NIBAN1: variants seen among roughly 807,000 people sequenced by gnomAD.
The protein encoded by NIBAN1 is protein Niban 1.
Under a neutral mutation model 75.1 loss-of-function variants are expected in NIBAN1, and 81 were observed. The ratio of observed to expected loss-of-function variants is 1.08; its 90% CI spans 0.90 to 1.30. NIBAN1 has a LOEUF of 1.30. Ranked by LOEUF, NIBAN1 falls within the 50% of genes most tolerant of loss-of-function variation. NIBAN1 has a pLI of 0.00. For missense variants in NIBAN1, 1,133 were observed against 1,128.1 expected, an observed-to-expected ratio of 1.00 and a Z score of -0.06; for synonymous variants, 436 against 424.8, an observed-to-expected ratio of 1.03 and a Z score of -0.32.
chr1:184,890,881 T>A (rs1162291392), intron 3 of NIBAN1, among the ~76,000 whole-genome samples: 1 of 152,160 alleles, frequency 6.6e-6, no homozygotes, highest in African/African-American at 2.4e-5. Flanking sequence ...CCAAAGCAGT[T>A]TGGTAAGCAC....
At chr1:184,960,727 C>A (rs1658613413) in intron 1 of NIBAN1, among the ~76,000 whole-genome samples, 1 of 152,110 alleles carries the variant, frequency 6.6e-6, no homozygotes, top group African/African-American at 2.4e-5. Context: ...ACTGCAGGTT[C>A]AAGTGATTCT....
At chr1:184,829,401 C>T (rs1402500838) in intron 6 of NIBAN1, among the ~76,000 whole-genome samples, 3 of 151,656 alleles carry the variant, frequency 2.0e-5, no homozygotes, top group African/African-American at 7.3e-5. Flanking sequence ...AGCACATAAT[C>T]AGCCTGAAGC....
At chr1:184,857,127 C>T (rs1182607996) in intron 5 of NIBAN1, among the ~76,000 whole-genome samples, 1 of 152,220 alleles carries the variant, frequency 6.6e-6, no homozygotes, top group Non-Finnish European at 1.5e-5. Context: ...AGACATAAAA[C>T]TATGTGGTTA....
intron 5 of NIBAN1, among the ~76,000 whole-genome samples, chr1:184,842,701 CGA>C (rs71640116): frequency 0.48 from 71,982 of 150,108 alleles, 17,318 homozygotes; most frequent in Middle Eastern, 0.53. Flanking sequence ...TGCAGTGAGC[CGA>C]GATTGTGCCT....
chr1:184,791,632 G>T lies in NIBAN1; in HGVS notation c.*3345C>A, dbSNP rs1490319858. The T allele has an allele frequency of 6.6e-6, 1 of 151,988 alleles. No homozygotes were observed. The highest frequency in any genetic ancestry group is 1.9e-4 in the East Asian group (1 of 5,186). 9.4% of individuals were successfully genotyped at this position (151,988 alleles called of 1,614,324 possible). A position where few individuals can be genotyped will look rare whatever the true frequency, so the allele number is the denominator to read the frequency against. On this transcript the variant is annotated 3_prime_UTR_variant, in exon 14 of 14. Coordinates refer to ENST00000367511, the MANE Select transcript of NIBAN1 (RefSeq NM_052966.4). ...TCTCTGTGAAAGGTCAGTAGTAAAAGAGCTAGTTTAAAGTCATGGAGTTTT... is the reference window on the plus strand; with the variant it reads ...TCTCTGTGAAAGGTCAGTAGTAAAATAGCTAGTTTAAAGTCATGGAGTTTT...
chr1:184,955,791 T>G (rs1033394701), intron 1 of NIBAN1, among the ~76,000 whole-genome samples: 3 of 152,176 alleles, frequency 2.0e-5, no homozygotes, highest in Admixed American at 2.0e-4. Flanking sequence ...GATAGGACTT[T>G]TGACAGGAAT....
intron 1 of NIBAN1, among the ~76,000 whole-genome samples, chr1:184,940,306 T>C (rs532112394): frequency 1.3e-3 from 192 of 152,308 alleles, no homozygotes; most frequent in African/African-American, 4.4e-3. Flanking sequence ...CCACTTCCAC[T>C]GCAAAACATC....
intron 5 of NIBAN1, among the ~76,000 whole-genome samples, chr1:184,854,642 C>T (rs1655628050): frequency 6.6e-6 from 1 of 152,172 alleles, no homozygotes; most frequent in African/African-American, 2.4e-5. Flanking sequence ...AAACTGCTAA[C>T]CAGCAACAGA....
At chr1:184,840,465 C>G (rs569243) in intron 5 of NIBAN1, among the ~76,000 whole-genome samples, 1 of 151,836 alleles carries the variant, frequency 6.6e-6, no homozygotes, top group Admixed American at 6.6e-5. Context: ...TAAGAACTCA[C>G]CCTGAGAATA....
chr1:184,819,917 T>C (rs1441460866), intron 8 of NIBAN1, among the ~76,000 whole-genome samples: 1 of 152,242 alleles, frequency 6.6e-6, no homozygotes, highest in Non-Finnish European at 1.5e-5. Flanking sequence ...AATGGCCTCG[T>C]TCTTATTTCA....
intron 5 of NIBAN1, among the ~76,000 whole-genome samples, chr1:184,867,191 CACAA>C (rs1470546384): frequency 6.6e-6 from 1 of 151,950 alleles, no homozygotes; most frequent in Admixed American, 6.6e-5. Context: ...CACCCCTACA[CACAA>C]ACACACACAC....
intron 5 of NIBAN1, among the ~76,000 whole-genome samples, chr1:184,869,188 A>G (rs1372478621): frequency 6.6e-6 from 1 of 152,174 alleles, no homozygotes; most frequent in Non-Finnish European, 1.5e-5. Context: ...AAGGTGGTAC[A>G]TTGCCTCTCA....
chr1:184,816,236 AAT>A (rs1477062204), intron 9 of NIBAN1, among the ~76,000 whole-genome samples: 4 of 152,230 alleles, frequency 2.6e-5, no homozygotes, highest in Non-Finnish European at 5.9e-5. Flanking sequence ...TAGTCATAAT[AAT>A]AGTCTTCCTG....
chr1:184,899,273 T>G lies in NIBAN1; in HGVS notation c.92A>C (p.Tyr31Ser). The change falls in exon 2 of 14, where the codon TAC becomes TCC. Residue 31 changes from tyrosine to serine, a missense_variant. Physicochemically the swap from Tyr to Ser is moderately radical, Grantham distance 144 (BLOSUM62 -2). Transcript: ENST00000367511. ...TEAAIKNFSP[Y>S]YSRQYSVAFC... Reference sequence around the variant, plus strand: ...AGCCACAGAGTACTGACGACTGTAGTAGGGACTGAAGTTTTTGATGGCAGC... The same window carrying G: ...AGCCACAGAGTACTGACGACTGTAGGAGGGACTGAAGTTTTTGATGGCAGC... The G allele has an allele frequency of 2.5e-6, 4 of 1,613,892 alleles. No individual in the cohort carries two copies. The highest frequency in any genetic ancestry group is 3.4e-6 in the Non-Finnish European group (4 of 1,179,820).
At chr1:184,882,884 G>A (rs1015192079) in intron 5 of NIBAN1, among the ~76,000 whole-genome samples, 1 of 152,148 alleles carries the variant, frequency 6.6e-6, no homozygotes, top group African/African-American at 2.4e-5. Context: ...GCAATTTTTT[G>A]TCTCTAGAAC....
At chr1:184,956,216 G>A (rs558571805) in intron 1 of NIBAN1, among the ~76,000 whole-genome samples, 3 of 152,026 alleles carry the variant, frequency 2.0e-5, no homozygotes, top group South Asian at 2.1e-4. Context: ...TTGTAGAGAC[G>A]AGGTCTCACT....
At chr1:184,799,644 T>A (rs1653976327) in intron 12 of NIBAN1, among the ~76,000 whole-genome samples, 1 of 129,752 alleles carries the variant, frequency 7.7e-6, no homozygotes, top group South Asian at 2.7e-4. Context: ...GTTGAACTAG[T>A]TTACAGTCCC....
intron 3 of NIBAN1, among the ~76,000 whole-genome samples, chr1:184,891,736 T>C (rs746044794): frequency 3.3e-5 from 5 of 152,166 alleles, no homozygotes; most frequent in Non-Finnish European, 7.3e-5. Flanking sequence ...TCCTGTTTAA[T>C]TGCCAGCCAG....
intron 1 of NIBAN1, among the ~76,000 whole-genome samples, chr1:184,959,641 G>T (rs971203442): frequency 6.6e-6 from 1 of 152,158 alleles, no homozygotes; most frequent in Non-Finnish European, 1.5e-5. Flanking sequence ...TAAAGAATTT[G>T]CACTTTATTC....
Sources: gnomAD v4.1 joint callset for allele counts (sites outside exome capture counted in the v4.1 genomes callset) on GRCh38, gnomAD v4.1.1 for gene constraint, MANE v1.5 for transcripts, NCBI Gene and HGNC (gene_info 2026-07-23, HGNC 2026-07-21) for gene names.